The following TBCD variants were observed in gnomAD, a reference collection of about 807,000 sequenced individuals.
The protein encoded by TBCD is tubulin-specific chaperone D.
TBCD carries 105 observed loss-of-function variants against 169.3 expected under a neutral mutation model. The ratio of observed to expected loss-of-function variants is 0.62; its 90% confidence interval spans 0.53 to 0.73. The LOEUF is 0.73. TBCD is among the 30% of genes least tolerant of loss of function. The pLI, the probability that TBCD is intolerant of heterozygous loss-of-function variation, is 0.00. For missense variants in TBCD, 1,444 were observed against 1,600.1 expected (o/e 0.90, Z 1.66); for synonymous variants, 700 against 643.9 (o/e 1.09, Z -1.32).
chr17:82,927,939 C>A lies in TBCD; in HGVS notation c.2644C>A (p.Leu882Met), dbSNP rs1278874128. ...RKAAMTSLMDLTLLLARSQPE... is the reference protein window; with the variant it reads ...RKAAMTSLMDMTLLLARSQPE... ...GGCCGCCATGACCAGTCTGATGGATCTGACACTTCTGCTGGCTCGGAGCCA... is the reference window on the plus strand; with the variant it reads ...GGCCGCCATGACCAGTCTGATGGATATGACACTTCTGCTGGCTCGGAGCCA... The change falls in exon 30 of 39, where the codon CTG (leucine) becomes ATG (methionine). Residue 882 changes from leucine (L) to methionine (M), a missense_variant. By Grantham distance (15) the Leu-to-Met change is conservative. Coordinates refer to ENST00000355528, the MANE Select transcript of TBCD (RefSeq NM_005993.5). The A allele has an allele frequency of 1.2e-6, 2 of 1,613,428 alleles. No individual in the cohort carries two copies. Among genetic ancestry groups the A allele is most frequent in the Non-Finnish European group, 1.7e-6 (2 of 1,179,798 alleles).
At chr17:82,857,352 G>C (rs191859967) in intron 13 of TBCD, among the ~76,000 whole-genome samples, 153 of 152,182 alleles carry the variant, frequency 1.0e-3, no homozygotes, top group Middle Eastern at 6.8e-3. Flanking sequence ...GTATCTTCTG[G>C]ATATTAAACT....
intron 13 of TBCD, among the ~76,000 whole-genome samples, chr17:82,822,663 AG>A (rs2052511488): frequency 6.6e-6 from 1 of 152,216 alleles, no homozygotes; most frequent in Non-Finnish European, 1.5e-5. Context: ...AGGGAGAGTG[AG>A]GCCATTCGGG....
chr17:82,763,960 C>T lies in TBCD; in HGVS notation c.236-5C>T. The T allele has an allele frequency of 6.2e-7, 1 of 1,612,476 alleles. No individual in the cohort carries two copies. The highest frequency in any genetic ancestry group is 2.2e-5 in the East Asian group (1 of 44,834). On this transcript the variant is annotated splice_polypyrimidine_tract_variant and splice_region_variant and intron_variant, in intron 2 of 38. Coordinates refer to ENST00000355528, the MANE Select transcript of TBCD (RefSeq NM_005993.5). ...ACAGTAAATGTTTCCTATGTTTTTC[C>T]CTAGAATGGATGATGAACTTGTTGT...
chr17:82,865,632 C>A, intron 13 of TBCD: 2 of 748,176 alleles, frequency 2.7e-6, no homozygotes, highest in South Asian at 6.1e-5. Context: ...GCTACATCTG[C>A]AGAAGTCCAG....
intron 17 of TBCD, among the ~76,000 whole-genome samples, chr17:82,898,428 G>T (rs918669486): frequency 1.2e-4 from 18 of 152,236 alleles, no homozygotes; most frequent in African/African-American, 4.1e-4. Flanking sequence ...AGACCCTGGG[G>T]CTTGGGCCGT....
rs1314467723 is a variant in TBCD, at chr17:82,943,597, C to A, written c.*1134C>A. 1.3e-5 allele frequency: 2 copies of A among 152,310 alleles called. No homozygotes were observed. Among genetic ancestry groups the A allele is most frequent in the Non-Finnish European group, 2.9e-5 (2 of 68,104 alleles). 9.4% of individuals were successfully genotyped at this position (152,310 alleles called of 1,614,324 possible). A position where few individuals can be genotyped will look rare whatever the true frequency, so the allele number is the denominator to read the frequency against. ...CGAGAACTGGGAGGTGCCACCGCATCTGTGAGGCTTGTGAGGTCACCAGGA... is the reference window on the plus strand; with the variant it reads ...CGAGAACTGGGAGGTGCCACCGCATATGTGAGGCTTGTGAGGTCACCAGGA... On this transcript the variant is annotated 3_prime_UTR_variant, in exon 39 of 39. Transcript: ENST00000355528.
chr17:82,766,047 C>T (rs910597448), intron 3 of TBCD, among the ~76,000 whole-genome samples: 22 of 152,186 alleles, frequency 1.4e-4, no homozygotes, highest in African/African-American at 5.3e-4. Context: ...GCCTCGGCCT[C>T]CCAAAGTGCT....
intron 17 of TBCD, among the ~76,000 whole-genome samples, chr17:82,899,037 C>T (rs1003913658): frequency 7.2e-5 from 11 of 152,274 alleles, no homozygotes; most frequent in African/African-American, 2.4e-4. Flanking sequence ...AAGGTCGTAT[C>T]CATGGAACCA....
At chr17:82,936,459 A>G (rs2062638314) in intron 34 of TBCD, among the ~76,000 whole-genome samples, 2 of 151,624 alleles carry the variant, frequency 1.3e-5, no homozygotes, top group African/African-American at 4.9e-5. Flanking sequence ...CTGAGTTGCA[A>G]CCTGAGCGGG....
intron 9 of TBCD, among the ~76,000 whole-genome samples, chr17:82,802,372 C>T (rs556739153): frequency 2.0e-5 from 3 of 152,172 alleles, no homozygotes; most frequent in South Asian, 2.1e-4. Context: ...TGTTGTGTTG[C>T]AGTGTTGGGT....
chr17:82,871,616 T>A (rs2057563284), intron 14 of TBCD, among the ~76,000 whole-genome samples: 1 of 152,332 alleles, frequency 6.6e-6, no homozygotes, highest in Admixed American at 6.5e-5. Context: ...ATGCAGCGTC[T>A]GAAGCTTCCA....
intron 32 of TBCD, chr17:82,929,834 GT>G (rs1214088139): frequency 8.5e-6 from 4 of 469,924 alleles, no homozygotes; most frequent in African/African-American, 7.9e-5. Context: ...GCTCCATCAG[GT>G]TCTAGATCGG....
At chr17:82,827,982 C>T (rs930376484) in intron 13 of TBCD, among the ~76,000 whole-genome samples, 2 of 150,760 alleles carry the variant, frequency 1.3e-5, no homozygotes, top group Non-Finnish European at 3.0e-5. Flanking sequence ...CGCACACATG[C>T]ACACCCAATC....
rs1364220562 is a variant in TBCD at position 82,941,350 on chromosome 17, G to C, written c.3480-49G>C. ...GACGCGGGACCTCCGCACACCTGAG[G>C]TTCTCCGGTGGGCACTCGAGAGACT... On this transcript the variant is annotated intron_variant, in intron 37 of 38. Transcript: ENST00000355528. 5.4e-6 allele frequency: 8 copies of C among 1,495,276 alleles called. No homozygotes were observed. In the South Asian group the frequency reaches 9.6e-5, roughly 18 times the overall value. The allele number at this position is 1,495,276 out of a possible 1,614,324, so 92.6% of individuals were successfully genotyped here. A position where few individuals can be genotyped will look rare whatever the true frequency, so the allele number is the denominator to read the frequency against.
At chr17:82,759,788 A>G (rs903846569) in intron 2 of TBCD, among the ~76,000 whole-genome samples, 4 of 152,068 alleles carry the variant, frequency 2.6e-5, no homozygotes, top group African/African-American at 9.7e-5. Context: ...TTTTAAATCT[A>G]TATTAAATAT....
At position 82,833,273 on chromosome 17, in the gene TBCD, G is replaced by A. The variant is rs1177349940; in HGVS notation, c.1318+18339G>A. Among the ~76,000 whole-genome samples the A allele has an allele frequency of 6.6e-6, 1 of 152,074 alleles. No individual in the cohort carries two copies. The highest frequency in any genetic ancestry group is 2.4e-5 in the African/African-American group (1 of 41,414). On this transcript the variant is annotated intron_variant, in intron 13 of 38. Coordinates refer to ENST00000355528, the MANE Select transcript of TBCD (RefSeq NM_005993.5). The surrounding 1 kb of genome is among the most constrained non-coding windows in gnomAD (Gnocchi z 4.7). Reference sequence around the variant, plus strand: ...CTCCCAAGTGCTGTGCGCCCCTGCCGTCGGCCTGTAGAACCCAAGACCATG... The same window carrying A: ...CTCCCAAGTGCTGTGCGCCCCTGCCATCGGCCTGTAGAACCCAAGACCATG...
At chr17:82,917,772 C>T (rs2061154060) in intron 23 of TBCD, among the ~76,000 whole-genome samples, 1 of 152,212 alleles carries the variant, frequency 6.6e-6, no homozygotes, top group African/African-American at 2.4e-5. Context: ...TCCCTTTGGT[C>T]ATCCTGGACT....
chr17:82,758,205 A>G (rs983924023), intron 2 of TBCD, among the ~76,000 whole-genome samples: 1 of 151,692 alleles, frequency 6.6e-6, no homozygotes, highest in Non-Finnish European at 1.5e-5. Flanking sequence ...CCTGACCAAC[A>G]TAGTGAAACC....
Position 82,921,566 on chromosome 17 carries a change from C to T in TBCD, c.2167C>T (p.Gln723Ter). 1 of 1,614,034 alleles carries T rather than the reference C, an allele frequency of 6.2e-7. No individual in the cohort carries two copies. The highest frequency in any genetic ancestry group is 8.5e-7 in the Non-Finnish European group (1 of 1,179,904). Residue 723 changes from glutamine to a stop codon, truncating the protein, a stop_gained, in exon 25 of 39, where the codon CAG (glutamine) becomes TAG (stop). Coordinates refer to ENST00000355528, the MANE Select transcript of TBCD (RefSeq NM_005993.5). LOFTEE classifies it high-confidence loss of function. ...HLHLISSHSR[Q>*]QMKDAAVSAL... ...CCATCTCATCTCAAGTCACTCCCGCCAGCAGATGAAGGTACAGTGAGCATG... is the reference window on the plus strand; with the variant it reads ...CCATCTCATCTCAAGTCACTCCCGCTAGCAGATGAAGGTACAGTGAGCATG...
Sources: gnomAD v4.1 joint callset for allele counts (sites outside exome capture counted in the v4.1 genomes callset) on GRCh38, gnomAD v4.1.1 for gene constraint, Gnocchi (gnomAD v3.1) non-coding constraint, MANE v1.5 for transcripts, NCBI Gene and HGNC (gene_info 2026-07-23, HGNC 2026-07-21) for gene names.